The following DOCK8 variants were observed in gnomAD, a reference collection of about 807,000 sequenced individuals.
The protein encoded by DOCK8 is dedicator of cytokinesis protein 8.
A neutral mutation model predicts 245.6 loss-of-function variants in DOCK8; 141 were observed. The ratio of observed to expected loss-of-function variants is 0.57; its 90% confidence interval spans 0.50 to 0.66. The LOEUF (loss-of-function observed/expected upper bound fraction) is 0.66. Among genes scored for constraint, DOCK8 ranks in the 30% least tolerant of loss-of-function variants. The probability of loss-of-function intolerance (pLI) is 0.00; values close to 1 mark genes in which losing one functional copy is unlikely to be tolerated. For synonymous variants in DOCK8, 1,168 were observed against 970.2 expected, an observed-to-expected ratio of 1.20 and a Z score of -3.79; for missense variants, 2,965 against 2,603.4, an observed-to-expected ratio of 1.14 and a Z score of -3.02.
intron 44 of DOCK8, among the ~76,000 whole-genome samples, chr9:449,196 C>G (rs2057355539): frequency 6.6e-6 from 1 of 151,924 alleles, no homozygotes; most frequent in South Asian, 2.1e-4. Context: ...ACTAAAAATA[C>G]AAAATTATCT....
intron 7 of DOCK8, among the ~76,000 whole-genome samples, chr9:323,348 C>A (rs889111436): frequency 6.6e-6 from 1 of 150,650 alleles, no homozygotes; most frequent in Non-Finnish European, 1.5e-5. Flanking sequence ...CTCAGCCTCC[C>A]GAGTAGCTGG....
rs376791111 is a variant in DOCK8 at position 328,080 on chromosome 9, C to G, written c.953C>G (p.Ala318Gly). The G allele has an allele frequency of 6.2e-7, 1 of 1,614,086 alleles. No homozygotes were observed. Reference sequence around the variant, plus strand: ...GACCAGTTCAAAGGATTTCTGCGAGCTCACACGCCTTCAGTGGCCGCATCA... The same window carrying G: ...GACCAGTTCAAAGGATTTCTGCGAGGTCACACGCCTTCAGTGGCCGCATCA... ...NSDQFKGFLR[A>G]HTPSVAASSQ... Residue 318 changes from alanine to glycine, a missense_variant, in exon 9 of 48, where the codon GCT becomes GGT. Physicochemically the swap from Ala to Gly is moderately conservative, Grantham distance 60. Transcript: ENST00000432829.
At chr9:400,122 CAT>C (rs2054748209) in intron 26 of DOCK8, among the ~76,000 whole-genome samples, 1 of 96,254 alleles carries the variant, frequency 1.0e-5, no homozygotes, top group Non-Finnish European at 1.9e-5. Context: ...CCACCACCAG[CAT>C]CTTCACCATC....
chr9:463,451 A>G (rs1587142977), intron 46 of DOCK8, 66 bp from the exon 47 acceptor site: 1 of 1,586,518 alleles, frequency 6.3e-7, no homozygotes, highest in Non-Finnish European at 8.6e-7. Flanking sequence ...AAGTAATTTC[A>G]TTGTTCTCAG....
At chr9:211,590 G>A (rs1177286568), upstream of DOCK8, among the ~76,000 whole-genome samples, 1 of 152,136 alleles carries the variant, frequency 6.6e-6, no homozygotes, top group Non-Finnish European at 1.5e-5. Flanking sequence ...TGTGAGAACA[G>A]TGATATTTAC....
chr9:449,515 A>C (rs2057364559), intron 44 of DOCK8, among the ~76,000 whole-genome samples: 1 of 152,208 alleles, frequency 6.6e-6, no homozygotes, highest in Admixed American at 6.5e-5. Flanking sequence ...TTAACCTTAC[A>C]AATCCCCCTT....
At chr9:456,594 C>T (rs2057650434) in intron 46 of DOCK8, 5 of 152,210 alleles carry the variant, frequency 3.3e-5, no homozygotes, top group Admixed American at 3.3e-4. Context: ...GCAGAAACAG[C>T]CATAAAGAAT....
Position 449,814 on chromosome 9 carries a change from G to A in DOCK8, c.5848G>A (p.Glu1950Lys). Residue 1950 changes from glutamate to lysine, a missense_variant, in exon 45 of 48, where the codon GAA (glutamate) becomes AAA (lysine). This residue lies in a region of DOCK8 where 2,825 missense variants were observed against 2,453.5 expected (regional missense o/e 1.15). Coordinates refer to ENST00000432829, the MANE Select transcript of DOCK8 (RefSeq NM_203447.4). ...FVLTPIEVAI[E>K]DMKKKTLQLA... ...TTTGACACCGATTGAAGTTGCCATTGAAGACATGAAGAAGAAGACCCTGCA... is the reference window on the plus strand; with the variant it reads ...TTTGACACCGATTGAAGTTGCCATTAAAGACATGAAGAAGAAGACCCTGCA... 1 of 1,613,208 alleles carries A rather than the reference G, an allele frequency of 6.2e-7. No homozygotes were observed. The highest frequency in any genetic ancestry group is 8.5e-7 in the Non-Finnish European group (1 of 1,180,022).
chr9:245,319 C>G (rs541075080), intron 1 of DOCK8, among the ~76,000 whole-genome samples: 1 of 152,144 alleles, frequency 6.6e-6, no homozygotes, highest in Non-Finnish European at 1.5e-5. Flanking sequence ...ATTCTCCTAC[C>G]TCAGCCTCCC....
chr9:312,823 C>A (rs1019787245), intron 6 of DOCK8: 5 of 274,786 alleles, frequency 1.8e-5, no homozygotes, highest in Non-Finnish European at 3.5e-5. Flanking sequence ...ACTCCTTATA[C>A]TGTATAGGAG....
chr9:320,092 A>G (rs1001452375), intron 7 of DOCK8, among the ~76,000 whole-genome samples: 2 of 152,228 alleles, frequency 1.3e-5, no homozygotes, highest in African/African-American at 4.8e-5. Context: ...ACACTTAAAG[A>G]ACAAACACTC....
chr9:413,888 TCTC>T (rs1304093086), intron 28 of DOCK8, among the ~76,000 whole-genome samples: 2 of 152,188 alleles, frequency 1.3e-5, no homozygotes, highest in African/African-American at 2.4e-5. Flanking sequence ...ACGCCTATAA[TCTC>T]AGCACTTTGG....
rs375856984 is a variant in DOCK8, at chr9:247,626, C to T, written c.54-24001C>T. Among the ~76,000 whole-genome samples the T allele has an allele frequency of 7.9e-5, 12 of 152,212 alleles. No individual in the cohort carries two copies. The South Asian group carries it at 1.5e-3, about 18-fold the overall frequency. On this transcript the variant is annotated intron_variant, in intron 1 of 47. Coordinates refer to ENST00000432829, the MANE Select transcript of DOCK8 (RefSeq NM_203447.4). ...TCGGCTCACTGCAAGCTCCGCCTCC[C>T]GGGTTCACGCCCTTCTCCGGCCTCA...
chr9:365,523 A>G, intron 14 of DOCK8: 2 of 438,640 alleles, frequency 4.6e-6, no homozygotes, highest in South Asian at 3.3e-5. Context: ...TATAGTAATG[A>G]TAATAATAGA....
chr9:438,378 C>G (rs2056974283), intron 39 of DOCK8, among the ~76,000 whole-genome samples: 1 of 152,158 alleles, frequency 6.6e-6, no homozygotes, highest in African/African-American at 2.4e-5. Flanking sequence ...GCATGTGTGC[C>G]ACCTGTTTGT....
At position 405,019 on chromosome 9, in the gene DOCK8, T is replaced by C; in HGVS notation, c.3336T>C (p.Phe1112=). ...AGCATTACCTCAATCTGAACCTTTT[T>C]TTTATGAATGCTGATACTGCTCCAA... ...SHEHYLNLNL[F]FMNADTAPTS... Residue 1112 remains phenylalanine (F), a synonymous_variant, in exon 27 of 48, where the codon TTT becomes TTC. Transcript: ENST00000432829. 1 of 1,614,090 alleles carries C rather than the reference T, an allele frequency of 6.2e-7. No individual in the cohort carries two copies. The highest frequency in any genetic ancestry group is 8.5e-7 in the Non-Finnish European group (1 of 1,179,990).
chr9:214,804 A>G (rs76707254), upstream of DOCK8: 189,177 of 1,587,796 alleles, frequency 0.12, 14,046 homozygotes, highest in East Asian at 0.36. Context: ...CCGAGCTCGG[A>G]CCCTCCCCCG....
chr9:434,729 C>G (rs1005678995), intron 38 of DOCK8, 54 bp from the exon 39 acceptor site: 5 of 1,577,028 alleles, frequency 3.2e-6, no homozygotes, highest in Non-Finnish European at 3.5e-6. Flanking sequence ...AGTAGAAGAA[C>G]AGTGTCATTA....
chr9:342,840 C>A (rs772792991), intron 14 of DOCK8, among the ~76,000 whole-genome samples: 2 of 152,200 alleles, frequency 1.3e-5, no homozygotes, highest in East Asian at 3.9e-4. Flanking sequence ...CTTGTTGATA[C>A]GCATTTAAGT....
Sources: gnomAD v4.1 joint callset for allele counts (sites outside exome capture counted in the v4.1 genomes callset) on GRCh38, gnomAD v4.1.1 for gene constraint, gnomAD v4.1.1 regional missense constraint, MANE v1.5 for transcripts, NCBI Gene and HGNC (gene_info 2026-07-23, HGNC 2026-07-21) for gene names.